The following LONP1 variants were observed in gnomAD, a reference collection of about 807,000 sequenced individuals.
LONP1 encodes the protein lon protease homolog, mitochondrial.
In LONP1, 31 loss-of-function variants were observed where a neutral mutation model predicts 98.5. That is an observed-to-expected ratio of 0.31 (90% CI 0.24 to 0.42). LONP1 has a LOEUF of 0.42. Ranked by LOEUF, LONP1 falls within the 20% of genes least tolerant of loss-of-function variation. LONP1 has a pLI of 1.00. For synonymous variants in LONP1, 781 were observed against 594.7 expected (o/e 1.31, Z -4.56); for missense variants, 1,336 against 1,350.6 (o/e 0.99, Z 0.17).
At chr19:5,695,164 C>G (rs753275650) in intron 13 of LONP1, among the ~76,000 whole-genome samples, 2 of 152,056 alleles carry the variant, frequency 1.3e-5, no homozygotes, top group Non-Finnish European at 2.9e-5. Flanking sequence ...CCAGGAAGGC[C>G]TCCTGGTTGC....
At position 5,692,194 on chromosome 19, in the gene LONP1, C is replaced by T. The variant is rs747889380; in HGVS notation, c.2718G>A (p.Gly906=). Residue 906 remains glycine (G), a synonymous_variant, in exon 18 of 18, where the codon GGG becomes GGA. Transcript: ENST00000360614. ...KEKTIAAKRA[G]VTCIVLPAEN... is the part of the protein sequence containing the mutation. ...CGGCTGGCAGGACGATGCACGTCAC[C>T]CCTGCGCGCTTGGCCTGGGGGCAGA... 13 of 1,612,916 alleles carry T rather than the reference C, an allele frequency of 8.1e-6. No individual in the cohort carries two copies. Among genetic ancestry groups the T allele is most frequent in the East Asian group, 2.2e-5 (1 of 44,872 alleles).
chr19:5,704,926 C>CTG (rs2055119116), intron 8 of LONP1, among the ~76,000 whole-genome samples: 1 of 151,932 alleles, frequency 6.6e-6, no homozygotes, highest in Non-Finnish European at 1.5e-5. Flanking sequence ...TTTGGGAGGG[C>CTG]AAGGTGGGCG....
chr19:5,700,814 A>G lies in LONP1; in HGVS notation c.1481T>C (p.Met494Thr), dbSNP rs769386503. ...CAGGATGCGTTTCTTGACGTCCTCC[A>G]TGCCGTAGTGGTCTTCCTCCAGCAC... ...QAVLEEDHYG[M>T]EDVKKRILEF... is the part of the protein sequence containing the mutation. Residue 494 changes from methionine (M) to threonine (T), a missense_variant, in exon 9 of 18, where the codon ATG (methionine) becomes ACG (threonine). Coordinates refer to ENST00000360614, the MANE Select transcript of LONP1 (RefSeq NM_004793.4). 6 of 1,614,074 alleles carry G rather than the reference A, an allele frequency of 3.7e-6. No homozygotes were observed. Among genetic ancestry groups the G allele is most frequent in the African/African-American group, 2.7e-5 (2 of 74,940 alleles).
chr19:5,720,299 A>G, upstream of LONP1: 2 of 995,554 alleles, frequency 2.0e-6, no homozygotes, highest in Non-Finnish European at 2.8e-6. Context: ...CGAGCATCGG[A>G]TCGTCTCCGC....
At chr19:5,718,490 A>T (rs572930323) in intron 1 of LONP1, among the ~76,000 whole-genome samples, 81 of 151,848 alleles carry the variant, frequency 5.3e-4, no homozygotes, top group Admixed American at 2.8e-3. Context: ...AAAAAAAAAA[A>T]AAAAAATCTT....
At chr19:5,695,163 C>T (rs1465566775) in intron 13 of LONP1, among the ~76,000 whole-genome samples, 1 of 152,042 alleles carries the variant, frequency 6.6e-6, no homozygotes, top group Non-Finnish European at 1.5e-5. Flanking sequence ...TCCAGGAAGG[C>T]CTCCTGGTTG....
intron 6 of LONP1, 90 bp downstream of exon 6, chr19:5,707,604 TGAG>T (rs1231919062): frequency 6.4e-6 from 9 of 1,396,088 alleles, no homozygotes; most frequent in Admixed American, 5.6e-5. Context: ...ATGGGGGAGC[TGAG>T]GAGGAACGGG....
rs769588877 is a variant in LONP1 at position 5,699,052 on chromosome 19, C to G, written c.1660G>C (p.Asp554His). Residue 554 changes from aspartate to histidine, a missense_variant, in exon 10 of 18, where the codon GAC becomes CAC. Physicochemically the swap from Asp to His is moderately conservative, Grantham distance 81 (BLOSUM62 -1). Transcript: ENST00000360614. The part of the protein sequence containing the change: ...YFRFSVGGMT[D>H]VAEIKGHRRT... ...CTGTGGCCCTTGATCTCAGCCACGT[C>G]AGTCATGCCCCCGACGCTGAAGCGG... 42 of 1,608,224 alleles carry G rather than the reference C, an allele frequency of 2.6e-5. No individual in the cohort carries two copies. Among genetic ancestry groups the G allele is most frequent in the Non-Finnish European group, 3.3e-5 (39 of 1,176,916 alleles).
At position 5,694,511 on chromosome 19, in the gene LONP1, G is replaced by A. The variant is rs370448612; in HGVS notation, c.2196C>T (p.Ala732=). Residue 732 remains alanine (A), a synonymous_variant, in exon 15 of 18, where the codon GCC becomes GCT. Coordinates refer to ENST00000360614, the MANE Select transcript of LONP1 (RefSeq NM_004793.4). ...TCTCGGGCGTCACCTCCACGGACTCGGCCTCGCCGCTGACAATCTTGTAGG... is the reference window on the plus strand; with the variant it reads ...TCTCGGGCGTCACCTCCACGGACTCAGCCTCGCCGCTGACAATCTTGTAGG... ...KSAYKIVSGE[A]ESVEVTPENL... 2.7e-5 allele frequency: 44 copies of A among 1,613,040 alleles called. No homozygotes were observed. The highest frequency in any genetic ancestry group is 1.3e-4 in the Admixed American group (8 of 59,996).
intron 7 of LONP1, 86 bp from the exon 8 acceptor site, chr19:5,706,078 T>G: frequency 1.2e-6 from 1 of 844,598 alleles, no homozygotes; most frequent in East Asian, 2.4e-5. Flanking sequence ...GACCCTCTGC[T>G]CCCCCAGGAC....
At position 5,694,073 on chromosome 19, in the gene LONP1, C is replaced by T. The variant is rs1010975119; in HGVS notation, c.2321-304G>A. On this transcript the variant is annotated intron_variant, in intron 15 of 17. Coordinates refer to ENST00000360614, the MANE Select transcript of LONP1 (RefSeq NM_004793.4). ...ACACAAGCCCTTCTCCAGCCCCTCCCGCACCATCCCCTTTGCCCTCTCGCC... is the reference window on the plus strand; with the variant it reads ...ACACAAGCCCTTCTCCAGCCCCTCCTGCACCATCCCCTTTGCCCTCTCGCC... 1.1e-4 allele frequency among the ~76,000 whole-genome samples: 17 copies of T among 152,182 alleles called. 1 individual carries two copies. Among genetic ancestry groups the T allele is most frequent in the African/African-American group, 3.9e-4 (16 of 41,450 alleles).
chr19:5,714,309 G>C (rs1568327769), intron 1 of LONP1, 38 bp from the exon 2 acceptor site: 1 of 1,443,398 alleles, frequency 6.9e-7, no homozygotes, highest in South Asian at 1.2e-5. Flanking sequence ...ATGCAGAGTA[G>C]ATTTTTTTTT....
rs1260911174 is a variant in LONP1 at position 5,700,837 on chromosome 19, C to T, written c.1458G>A (p.Val486=). 6.2e-6 allele frequency: 10 copies of T among 1,614,226 alleles called. No individual in the cohort carries two copies. The highest frequency in any genetic ancestry group is 3.3e-5 in the Admixed American group (2 of 60,034). ...CCATGCCGTAGTGGTCTTCCTCCAGCACTGCCTGTGCCCGCGCCAGGTCCA... is the reference window on the plus strand; with the variant it reads ...CCATGCCGTAGTGGTCTTCCTCCAGTACTGCCTGTGCCCGCGCCAGGTCCA... ...ENLDLARAQA[V]LEEDHYGMED... is the part of the protein sequence containing the mutation. The change falls in exon 9 of 18, where the codon GTG becomes GTA. Residue 486 remains valine, a synonymous_variant. Coordinates refer to ENST00000360614, the MANE Select transcript of LONP1 (RefSeq NM_004793.4).
chr19:5,694,120 A>G (rs1276290608), intron 15 of LONP1, among the ~76,000 whole-genome samples: 1 of 152,122 alleles, frequency 6.6e-6, no homozygotes, highest in Non-Finnish European at 1.5e-5. Context: ...TGGTGGCCCC[A>G]AGGCCCATCT....
At chr19:5,694,123 G>A (rs2054881132) in intron 15 of LONP1, among the ~76,000 whole-genome samples, 1 of 152,150 alleles carries the variant, frequency 6.6e-6, no homozygotes, top group Non-Finnish European at 1.5e-5. Context: ...TGGCCCCAAG[G>A]CCCATCTGGA....
At chr19:5,694,610 G>C in intron 14 of LONP1, 58 bp from the exon 15 acceptor site, 1 of 1,586,980 alleles carries the variant, frequency 6.3e-7, no homozygotes. Context: ...GTGCGGGGTG[G>C]TGGGGTGACG....
intron 1 of LONP1, among the ~76,000 whole-genome samples, chr19:5,717,026 C>T (rs1227090746): frequency 1.3e-5 from 2 of 152,148 alleles, no homozygotes; most frequent in East Asian, 3.9e-4. Context: ...GATCTCCTGA[C>T]CTCGTGATCC....
chr19:5,712,123 C>T, intron 3 of LONP1, 121 bp from the exon 4 acceptor site: 1 of 777,084 alleles, frequency 1.3e-6, no homozygotes, highest in South Asian at 1.9e-5. Context: ...TCTGGAGCCA[C>T]AGGGTGGCTA....
In LONP1 at chr19:5,707,159, G is replaced by C. The variant is rs896305994; in HGVS notation, c.1063-16C>G. ...GCTTAGGAATCTGCCGAGACAGGGA[G>C]GACAGAAAGGATGAGCAGAAGTCGG... On this transcript the variant is annotated splice_polypyrimidine_tract_variant and intron_variant, in intron 6 of 17. Transcript: ENST00000360614. The C allele has an allele frequency of 6.2e-7, 1 of 1,608,024 alleles. No individual in the cohort carries two copies. Among genetic ancestry groups the C allele is most frequent in the African/African-American group, 1.3e-5 (1 of 74,858 alleles).
Sources: allele counts gnomAD v4.1 joint callset (sites outside exome capture counted in the v4.1 genomes callset), GRCh38; gene constraint gnomAD v4.1.1; transcripts MANE v1.5; gene names NCBI Gene and HGNC (gene_info 2026-07-23, HGNC 2026-07-21).